Variants in SOX5 observed in about 807,000 individuals in gnomAD.
SOX5 encodes the protein transcription factor SOX-5.
SOX5 carries 9 observed loss-of-function variants against 92.0 expected under a neutral mutation model. The observed-to-expected ratio is 0.10, with a 90% CI of 0.06 to 0.17. The LOEUF (loss-of-function observed/expected upper bound fraction) is 0.17. Ranked by LOEUF, SOX5 falls within the 10% of genes least tolerant of loss-of-function variation. The pLI is 1.00. For missense variants in SOX5, 642 were observed against 944.5 expected, an observed-to-expected ratio of 0.68 and a Z score of 4.20; for synonymous variants, 344 against 336.3, an observed-to-expected ratio of 1.02 and a Z score of -0.25.
intron 3 of SOX5, among the ~76,000 whole-genome samples, chr12:23,822,228 T>C (rs1421215017): frequency 2.0e-5 from 3 of 152,224 alleles, no homozygotes; most frequent in African/African-American, 4.8e-5. Flanking sequence ...TTGTTGACTT[T>C]AGATCTTTCC....
chr12:23,637,387 A>G (rs751436724), intron 8 of SOX5, among the ~76,000 whole-genome samples: 2 of 152,186 alleles, frequency 1.3e-5, no homozygotes, highest in Non-Finnish European at 2.9e-5. Flanking sequence ...CAATGGTTCT[A>G]AAGAAAGACA....
chr12:23,584,508 A>G (rs1270942113), intron 9 of SOX5: 2 of 1,396,306 alleles, frequency 1.4e-6, no homozygotes, highest in East Asian at 2.3e-5. Flanking sequence ...ACGAGCTCCA[A>G]TTAATTACAT....
In SOX5 at chr12:23,584,730, A is replaced by AGTGT. The variant is rs34653390; in HGVS notation, c.1165-8896_1165-8893dup. On this transcript the variant is annotated intron_variant, in intron 9 of 14. Coordinates refer to ENST00000451604, the MANE Select transcript of SOX5 (RefSeq NM_006940.6). Reference sequence around the variant, plus strand: ...AGAACCTTGGAGAAGGACAGGTGTGAGTGTGTGTGTGTGTGTGTATGTGTG... The same window carrying AGTGT: ...AGAACCTTGGAGAAGGACAGGTGTGAGTGTGTGTGTGTGTGTGTGTGTATGTGTG... 34 of 602,662 alleles carry AGTGT rather than the reference A, an allele frequency of 5.6e-5. No homozygotes were observed. The East Asian group carries it at 8.5e-4, about 15-fold the overall frequency. 37.3% of individuals were successfully genotyped at this position (602,662 alleles called of 1,614,324 possible).
chr12:23,799,776 T>A (rs2095629776), intron 3 of SOX5, among the ~76,000 whole-genome samples: 1 of 151,990 alleles, frequency 6.6e-6, no homozygotes, highest in Admixed American at 6.6e-5. Flanking sequence ...GACAGTGTCC[T>A]AGAGGCAAGA....
chr12:24,089,270 CAA>C (rs1944364007), intron 4 of SOX5, among the ~76,000 whole-genome samples: 1 of 152,052 alleles, frequency 6.6e-6, no homozygotes, highest in East Asian at 1.9e-4. Flanking sequence ...TCCTAAAAAA[CAA>C]AGAACGATTG....
At chr12:24,315,605 A>G (rs1949623879) in intron 2 of SOX5, among the ~76,000 whole-genome samples, 2 of 152,154 alleles carry the variant, frequency 1.3e-5, no homozygotes, top group Admixed American at 1.3e-4. Flanking sequence ...ATTCCTTCCA[A>G]TCCCTTACTG....
intron 4 of SOX5, among the ~76,000 whole-genome samples, chr12:24,103,858 G>T (rs1946373178): frequency 1.3e-5 from 2 of 152,078 alleles, no homozygotes; most frequent in Admixed American, 6.6e-5. Context: ...CATTAACACG[G>T]TCTTCTTCCT....
intron 3 of SOX5, among the ~76,000 whole-genome samples, chr12:23,826,590 C>T (rs2096238754): frequency 3.3e-5 from 5 of 152,074 alleles, no homozygotes; most frequent in Admixed American, 3.3e-4. Flanking sequence ...CTGCACTGCT[C>T]CCAATATGGC....
At chr12:23,814,314 G>A (rs1387581842) in intron 3 of SOX5, among the ~76,000 whole-genome samples, 9 of 152,018 alleles carry the variant, frequency 5.9e-5, no homozygotes, top group African/African-American at 1.9e-4. Flanking sequence ...AGTGATAGAC[G>A]CCAAAACAAA....
intron 9 of SOX5, among the ~76,000 whole-genome samples, chr12:23,603,322 G>A (rs970055549): frequency 2.6e-5 from 4 of 151,280 alleles, no homozygotes; most frequent in African/African-American, 9.7e-5. Context: ...CCTTTTCTCT[G>A]TGTATTTCAA....
chr12:23,723,421 T>C (rs1160003263), intron 6 of SOX5, among the ~76,000 whole-genome samples: 1 of 148,736 alleles, frequency 6.7e-6, no homozygotes, highest in Non-Finnish European at 1.5e-5. Context: ...ATAAAAAGAG[T>C]AAAAGAAATC....
intron 4 of SOX5, among the ~76,000 whole-genome samples, chr12:23,956,689 T>C (rs1312757210): frequency 6.6e-6 from 1 of 151,876 alleles, no homozygotes; most frequent in Non-Finnish European, 1.5e-5. Flanking sequence ...TAAGTCTTTT[T>C]TTTTTAAGGG....
chr12:23,617,612 T>C (rs2076717775), intron 8 of SOX5, among the ~76,000 whole-genome samples: 1 of 152,098 alleles, frequency 6.6e-6, no homozygotes, highest in African/African-American at 2.4e-5. Flanking sequence ...CTGCTAAAAA[T>C]TAAAGATACA....
chr12:24,139,797 G>T (rs1344510812), intron 4 of SOX5, among the ~76,000 whole-genome samples: 4 of 152,288 alleles, frequency 2.6e-5, no homozygotes, highest in African/African-American at 9.6e-5. Context: ...ACTGCTTGGG[G>T]TGTTAAGAAG....
At chr12:23,819,603 G>A (rs569125213) in intron 3 of SOX5, among the ~76,000 whole-genome samples, 2 of 151,998 alleles carry the variant, frequency 1.3e-5, no homozygotes, top group East Asian at 3.9e-4. Flanking sequence ...GACAGGCCGT[G>A]GTGTGTGATG....
chr12:24,407,159 C>T (rs1963155270), intron 1 of SOX5, among the ~76,000 whole-genome samples: 2 of 152,034 alleles, frequency 1.3e-5, no homozygotes, highest in African/African-American at 4.8e-5. Context: ...TGATAGCATG[C>T]CCCTATGTGC....
At chr12:23,721,516 C>T (rs2092815553) in intron 6 of SOX5, among the ~76,000 whole-genome samples, 1 of 151,936 alleles carries the variant, frequency 6.6e-6, no homozygotes, top group South Asian at 2.1e-4. Context: ...AAAAAACTTA[C>T]AGTAAAAAAG....
At chr12:23,902,366 A>G (rs1343575852) in intron 1 of SOX5, among the ~76,000 whole-genome samples, 3 of 152,154 alleles carry the variant, frequency 2.0e-5, no homozygotes, top group Admixed American at 6.5e-5. Context: ...CCTAGGATGC[A>G]GTGCCTTCTA....
chr12:24,439,960 G>C (rs1490499580), intron 1 of SOX5, among the ~76,000 whole-genome samples: 2 of 152,188 alleles, frequency 1.3e-5, no homozygotes, highest in African/African-American at 4.8e-5. Context: ...AAATACGCAA[G>C]TGCATGGTGC....
Sources: allele counts gnomAD v4.1 joint callset (sites outside exome capture counted in the v4.1 genomes callset), GRCh38; gene constraint gnomAD v4.1.1; transcripts MANE v1.5; gene names NCBI Gene and HGNC (gene_info 2026-07-23, HGNC 2026-07-21).